The following GRID1 variants were observed in gnomAD, a reference collection of about 807,000 sequenced individuals.
GRID1 encodes glutamate ionotropic receptor delta type subunit 1, also known as glutamate receptor ionotropic, delta-1.
GRID1 carries 28 observed loss-of-function variants against 98.0 expected under a neutral mutation model. That is an observed-to-expected ratio of 0.29 (90% CI 0.21 to 0.39). The LOEUF (loss-of-function observed/expected upper bound fraction) is 0.39. Ranked by LOEUF, GRID1 falls within the 10% of genes least tolerant of loss-of-function variation. GRID1 has a pLI of 1.00. For missense variants in GRID1, 1,111 were observed against 1,340.5 expected (o/e 0.83, Z 2.67); for synonymous variants, 553 against 538.5 (o/e 1.03, Z -0.37).
At chr10:86,228,406 A>T (rs2132034324) in intron 2 of GRID1, among the ~76,000 whole-genome samples, 1 of 152,174 alleles carries the variant, frequency 6.6e-6, no homozygotes, top group South Asian at 2.1e-4. Context: ...ACACCACCCA[A>T]CCACAAAGGC....
intron 8 of GRID1, among the ~76,000 whole-genome samples, chr10:85,746,484 T>C (rs948395309): frequency 6.6e-6 from 1 of 152,220 alleles, no homozygotes; most frequent in Non-Finnish European, 1.5e-5. Flanking sequence ...GTTTTATTTG[T>C]AATTTCTAAT....
intron 8 of GRID1, among the ~76,000 whole-genome samples, chr10:85,737,673 T>A (rs11816225): frequency 0.052 from 5,895 of 112,990 alleles, 472 homozygotes; most frequent in Non-Finnish European, 0.078. Context: ...TATATATATA[T>A]AAACATATAT....
chr10:86,000,835 A>G (rs1353928440), intron 4 of GRID1, among the ~76,000 whole-genome samples: 2 of 152,214 alleles, frequency 1.3e-5, no homozygotes, highest in Non-Finnish European at 2.9e-5. Flanking sequence ...CACACTTACC[A>G]TACAACTAAG....
intron 4 of GRID1, among the ~76,000 whole-genome samples, chr10:86,003,898 C>A (rs146720187): frequency 1.3e-5 from 2 of 152,184 alleles, no homozygotes; most frequent in Non-Finnish European, 2.9e-5. Context: ...CTTGCCTGCC[C>A]TGTGCCACAT....
intron 12 of GRID1, among the ~76,000 whole-genome samples, chr10:85,670,379 T>G (rs940134797): frequency 5.3e-5 from 8 of 152,222 alleles, no homozygotes; most frequent in Non-Finnish European, 1.2e-4. Context: ...TGAATGGGAT[T>G]TCAATGGGCT....
At chr10:86,239,147 T>C (rs1846586990) in intron 2 of GRID1, among the ~76,000 whole-genome samples, 1 of 152,220 alleles carries the variant, frequency 6.6e-6, no homozygotes, top group Non-Finnish European at 1.5e-5. Context: ...GAGCCCACCC[T>C]TTGTATTAGT....
chr10:86,240,126 ATC>A (rs1348865106), intron 2 of GRID1, among the ~76,000 whole-genome samples: 1 of 152,192 alleles, frequency 6.6e-6, no homozygotes, highest in African/African-American at 2.4e-5. Context: ...GAAAATAAAT[ATC>A]TGTTTTTGAA....
At chr10:86,110,828 A>G (rs1844470293) in intron 4 of GRID1, among the ~76,000 whole-genome samples, 2 of 152,244 alleles carry the variant, frequency 1.3e-5, no homozygotes, top group South Asian at 2.1e-4. Context: ...TTTAACAACC[A>G]AATAAAATTC....
chr10:85,877,326 C>T (rs533554682), intron 5 of GRID1, among the ~76,000 whole-genome samples: 7 of 152,156 alleles, frequency 4.6e-5, no homozygotes, highest in Non-Finnish European at 1.0e-4. Flanking sequence ...CCCTGACCCC[C>T]GAGCAGCCTA....
At chr10:86,266,126 CT>C (rs1847099281) in intron 2 of GRID1, among the ~76,000 whole-genome samples, 1 of 152,090 alleles carries the variant, frequency 6.6e-6, no homozygotes, top group African/African-American at 2.4e-5. Flanking sequence ...TGAGGACCCC[CT>C]GGCCAACAGC....
intron 4 of GRID1, among the ~76,000 whole-genome samples, chr10:86,097,460 C>T (rs1303959144): frequency 2.0e-5 from 3 of 152,162 alleles, no homozygotes; most frequent in African/African-American, 7.2e-5. Flanking sequence ...CATCTGTCTA[C>T]CGTCTATCTA....
At chr10:86,289,929 T>C (rs1315136836) in intron 2 of GRID1, among the ~76,000 whole-genome samples, 1 of 152,074 alleles carries the variant, frequency 6.6e-6, no homozygotes, top group Non-Finnish European at 1.5e-5. Context: ...TCTTTGTCAT[T>C]GGGTGGGAAG....
intron 4 of GRID1, among the ~76,000 whole-genome samples, chr10:86,130,654 A>G (rs982864674): frequency 6.6e-6 from 1 of 152,164 alleles, no homozygotes; most frequent in Non-Finnish European, 1.5e-5. Context: ...CTCCCCATCC[A>G]TCCTACTGAG....
chr10:85,780,327 C>T (rs1474347109), intron 8 of GRID1, among the ~76,000 whole-genome samples: 2 of 152,192 alleles, frequency 1.3e-5, no homozygotes, highest in East Asian at 1.9e-4. Flanking sequence ...ATGGCCACCA[C>T]ATCCCCCACA....
intron 5 of GRID1, among the ~76,000 whole-genome samples, chr10:85,896,973 C>A (rs1841302160): frequency 6.6e-6 from 1 of 152,062 alleles, no homozygotes; most frequent in Non-Finnish European, 1.5e-5. Flanking sequence ...ACTAGAAGGT[C>A]ATTAAATATT....
At chr10:86,260,635 C>A (rs1228333041) in intron 2 of GRID1, among the ~76,000 whole-genome samples, 1 of 152,276 alleles carries the variant, frequency 6.6e-6, no homozygotes, top group East Asian at 1.9e-4. Flanking sequence ...GCTGGGCCAT[C>A]GGAATGAGTA....
intron 3 of GRID1, among the ~76,000 whole-genome samples, chr10:86,185,896 C>T (rs1021574595): frequency 1.3e-5 from 2 of 152,118 alleles, no homozygotes; most frequent in African/African-American, 2.4e-5. Context: ...TTGCTTGTCA[C>T]GTTTTGGTCA....
intron 2 of GRID1, among the ~76,000 whole-genome samples, chr10:86,252,790 T>A (rs1564719973): frequency 1.3e-5 from 2 of 152,188 alleles, no homozygotes; most frequent in Admixed American, 1.3e-4. Context: ...GTGTGAGATA[T>A]TGGTGCACAG....
At chr10:85,989,828 T>C (rs1478637688) in intron 4 of GRID1, among the ~76,000 whole-genome samples, 1 of 152,222 alleles carries the variant, frequency 6.6e-6, no homozygotes, top group East Asian at 1.9e-4. Flanking sequence ...AAAATTTACA[T>C]GTTGAAATCC....
Sources: allele counts gnomAD v4.1 joint callset (sites outside exome capture counted in the v4.1 genomes callset), GRCh38; gene constraint gnomAD v4.1.1; transcripts MANE v1.5; gene names NCBI Gene and HGNC (gene_info 2026-07-23, HGNC 2026-07-21).